PCDHGB2: variants seen among roughly 807,000 people sequenced by gnomAD.
The protein encoded by PCDHGB2 is protocadherin gamma subfamily B, 2.
PCDHGB2 carries 55 observed loss-of-function variants against 59.3 expected under a neutral mutation model. That is an observed-to-expected ratio of 0.93 (90% CI 0.75 to 1.16). The LOEUF (loss-of-function observed/expected upper bound fraction) is 1.16. Ranked by LOEUF, PCDHGB2 falls within the 50% of genes most tolerant of loss-of-function variation. The probability of loss-of-function intolerance (pLI) is 0.00; values close to 1 mark genes in which losing one functional copy is unlikely to be tolerated. For missense variants in PCDHGB2, 1,228 were observed against 1,198.5 expected, an observed-to-expected ratio of 1.02 and a Z score of -0.36; for synonymous variants, 516 against 512.0, an observed-to-expected ratio of 1.01 and a Z score of -0.11.
chr5:141,403,403 C>G (rs755177334), intron 1 of PCDHGB2: 2 of 1,614,066 alleles, frequency 1.2e-6, no homozygotes, highest in Non-Finnish European at 1.7e-6. Context: ...TCCTGGAGCA[C>G]GTTATCCACT....
intron 1 of PCDHGB2, chr5:141,400,337 C>T: frequency 6.2e-7 from 1 of 1,614,080 alleles, no homozygotes; most frequent in Non-Finnish European, 8.5e-7. Context: ...GTGGTTCCCC[C>T]CAACTACAGT....
chr5:141,482,923 AT>A (rs1193255251), intron 1 of PCDHGB2, among the ~76,000 whole-genome samples: 10 of 152,074 alleles, frequency 6.6e-5, no homozygotes, highest in Non-Finnish European at 1.5e-4. Context: ...AATACAAAAA[AT>A]TAGCCAGGTG....
At chr5:141,400,665 G>C (rs1463001564) in intron 1 of PCDHGB2, 5 of 984,364 alleles carry the variant, frequency 5.1e-6, no homozygotes, top group Non-Finnish European at 7.6e-6. Flanking sequence ...CATTCTTTAA[G>C]AGGAGCAGTA....
intron 1 of PCDHGB2, among the ~76,000 whole-genome samples, chr5:141,397,615 C>A (rs2093545668): frequency 6.6e-6 from 1 of 152,144 alleles, no homozygotes; most frequent in Admixed American, 6.5e-5. Context: ...AAGGGCAATA[C>A]TTAGTTCTAG....
chr5:141,364,883 G>A (rs2149867469), intron 1 of PCDHGB2: 1 of 1,613,946 alleles, frequency 6.2e-7, no homozygotes, highest in East Asian at 2.2e-5. Context: ...TGTGGTAAGC[G>A]GAACTGATGG....
At chr5:141,404,947 T>G (rs561446437) in intron 1 of PCDHGB2, 9 of 1,613,826 alleles carry the variant, frequency 5.6e-6, no homozygotes, top group Non-Finnish European at 7.6e-6. Flanking sequence ...TAGCCATAGC[T>G]GACAGCATCC....
At chr5:141,383,865 A>C in intron 1 of PCDHGB2, 3 of 1,614,012 alleles carry the variant, frequency 1.9e-6, no homozygotes, top group Non-Finnish European at 2.5e-6. Context: ...TTCAGGCTCA[A>C]GATGGTCCTG....
In PCDHGB2 at chr5:141,476,506, C is replaced by T; in HGVS notation, c.2422-18301C>T. 1 of 1,614,068 alleles carries T rather than the reference C, an allele frequency of 6.2e-7. No homozygotes were observed. ...AAGTGGTGATCCAGGACATCAACGA[C>T]AACAATCCTGCTTTCCCTACCCAGG... On this transcript the variant is annotated intron_variant, in intron 1 of 3. Transcript: ENST00000522605. This position sits in a 1 kb window ranked among gnomAD's most constrained non-coding sequence, Gnocchi z 7.6.
intron 1 of PCDHGB2, among the ~76,000 whole-genome samples, chr5:141,467,087 C>T (rs1159093881): frequency 3.4e-5 from 5 of 147,240 alleles, no homozygotes; most frequent in African/African-American, 1.3e-4. Context: ...AAGTCTCACT[C>T]TGTCACACAG....
intron 1 of PCDHGB2, chr5:141,419,566 C>G: frequency 3.1e-6 from 5 of 1,611,792 alleles, no homozygotes; most frequent in Non-Finnish European, 2.5e-6. Context: ...CGCTGGGTCC[C>G]GACGGCTCCG....
intron 1 of PCDHGB2, chr5:141,377,921 A>C (rs1249670755): frequency 6.6e-6 from 1 of 152,150 alleles, no homozygotes; most frequent in African/African-American, 2.4e-5. Flanking sequence ...GTAAAAATCC[A>C]CCTGTAACTG....
At chr5:141,374,134 C>T in intron 1 of PCDHGB2, 4 of 1,605,352 alleles carry the variant, frequency 2.5e-6, no homozygotes, top group Non-Finnish European at 3.4e-6. Context: ...TCCTGCTCCT[C>T]ACGCTCCTGG....
chr5:141,422,228 T>C (rs1561800204), intron 1 of PCDHGB2: 1 of 1,565,566 alleles, frequency 6.4e-7, no homozygotes, highest in Non-Finnish European at 8.6e-7. Flanking sequence ...ACCACGACGA[T>C]GTTGATCACT....
chr5:141,375,189 T>A, intron 1 of PCDHGB2: 1 of 1,613,998 alleles, frequency 6.2e-7, no homozygotes, highest in Non-Finnish European at 8.5e-7. Context: ...ATCGCCCTTT[T>A]TCAAGTGTTC....
intron 1 of PCDHGB2, chr5:141,389,294 A>C: frequency 1.2e-6 from 2 of 1,613,964 alleles, no homozygotes; most frequent in Non-Finnish European, 8.5e-7. Flanking sequence ...CCTCTATTTC[A>C]CAAGTCAGGG....
Position 141,491,680 on chromosome 5 carries a change from A to G in PCDHGB2, c.2422-3127A>G. The G allele has an allele frequency of 6.2e-7, 1 of 1,613,304 alleles. No individual in the cohort carries two copies. The highest frequency in any genetic ancestry group is 2.2e-5 in the East Asian group (1 of 44,820). ...TGACGCCATCCGGTCCCGCTCTAATACGCTGCGGGAGCGGAGCCAGGTGAG... is the reference window on the plus strand; with the variant it reads ...TGACGCCATCCGGTCCCGCTCTAATGCGCTGCGGGAGCGGAGCCAGGTGAG... On this transcript the variant is annotated intron_variant, in intron 1 of 3. Transcript: ENST00000522605. The surrounding 1 kb of genome is among the most constrained non-coding windows in gnomAD (Gnocchi z 6.9).
chr5:141,418,980 A>C (rs1219866791), intron 1 of PCDHGB2: 2 of 1,614,004 alleles, frequency 1.2e-6, no homozygotes, highest in Non-Finnish European at 1.7e-6. Flanking sequence ...ACACGGGACC[A>C]AGACTCAGGG....
Position 141,485,244 on chromosome 5 carries a change from T to G in PCDHGB2, c.2422-9563T>G. 5 of 1,614,168 alleles carry G rather than the reference T, an allele frequency of 3.1e-6. No individual in the cohort carries two copies. Among genetic ancestry groups the G allele is most frequent in the Non-Finnish European group, 4.2e-6 (5 of 1,180,006 alleles). On this transcript the variant is annotated intron_variant, in intron 1 of 3. Transcript: ENST00000522605. This position sits in a 1 kb window ranked among gnomAD's most constrained non-coding sequence, Gnocchi z 5.7. Reference sequence around the variant, plus strand: ...ACCCTTTTGTTCCTCTTTTACCACCTGGGTTACGTTTGTGGGCAGATCCGC... The same window carrying G: ...ACCCTTTTGTTCCTCTTTTACCACCGGGGTTACGTTTGTGGGCAGATCCGC...
At chr5:141,362,648 T>G in intron 1 of PCDHGB2, 92 bp downstream of exon 1, 1 of 1,442,070 alleles carries the variant, frequency 6.9e-7, no homozygotes, top group African/African-American at 1.4e-5. Flanking sequence ...TGTCTGTGAG[T>G]TAGATTTGGC....
Sources: allele counts gnomAD v4.1 joint callset (sites outside exome capture counted in the v4.1 genomes callset), GRCh38; gene constraint gnomAD v4.1.1; non-coding constraint Gnocchi (gnomAD v3.1); transcripts MANE v1.5; gene names NCBI Gene and HGNC (gene_info 2026-07-23, HGNC 2026-07-21).